ERCC3: variants seen among roughly 807,000 people sequenced by gnomAD.
ERCC3 encodes ERCC excision repair 3, TFIIH core complex helicase subunit, also known as general transcription and DNA repair factor IIH helicase/translocase subunit XPB.
In ERCC3, 66 loss-of-function variants were observed where a neutral mutation model predicts 94.2. The ratio of observed to expected loss-of-function variants is 0.70; its 90% confidence interval spans 0.57 to 0.86. The LOEUF (loss-of-function observed/expected upper bound fraction) is 0.86. Among genes scored for constraint, ERCC3 ranks in the 40% least tolerant of loss-of-function variants. The probability of loss-of-function intolerance (pLI) is 0.00; values close to 1 mark genes in which losing one functional copy is unlikely to be tolerated. For synonymous variants in ERCC3, 349 were observed against 369.1 expected (o/e 0.95, Z 0.63); for missense variants, 829 against 987.1 (o/e 0.84, Z 2.15).
chr2:127,279,179 A>G lies in ERCC3; in HGVS notation c.1724T>C (p.Leu575Pro). The G allele has an allele frequency of 1.1e-5, 18 of 1,608,036 alleles. No homozygotes were observed. Among genetic ancestry groups the G allele is most frequent in the Non-Finnish European group, 1.4e-5 (17 of 1,174,518 alleles). Residue 575 changes from leucine (L) to proline (P), a missense_variant, in exon 10 of 15, where the codon CTG becomes CCG. Transcript: ENST00000285398. This position sits in a 1 kb window ranked among gnomAD's most constrained non-coding sequence, Gnocchi z 4.7. ...CCAAGTTTTCAATTCTTACTTGTTC[A>G]GTCGAATGGCATATTCCTTTAGGGC... ...VFALKEYAIR[L>P]NKPYIYGPTS...
rs536753432 is a variant in ERCC3, at chr2:127,279,712, A to G, written c.1528-337T>C. 7.9e-5 allele frequency among the ~76,000 whole-genome samples: 12 copies of G among 152,170 alleles called. No homozygotes were observed. The highest frequency in any genetic ancestry group is 2.4e-4 in the African/African-American group (10 of 41,524). The stretch of plus-strand genomic sequence containing the variant: ...GAGGCGGAGGTTGCAGTGAGCCAAG[A>G]TCACGCCACTGCACTCCAGCCTGGG... On this transcript the variant is annotated intron_variant, in intron 9 of 14. Coordinates refer to ENST00000285398, the MANE Select transcript of ERCC3 (RefSeq NM_000122.2). The surrounding 1 kb of genome is among the most constrained non-coding windows in gnomAD (Gnocchi z 4.7).
chr2:127,258,630 C>T lies in ERCC3; in HGVS notation c.2217+666G>A, dbSNP rs962297862. On this transcript the variant is annotated intron_variant, in intron 14 of 14. Transcript: ENST00000285398. This position sits in a 1 kb window ranked among gnomAD's most constrained non-coding sequence, Gnocchi z 4.1. ...CTTGGTCCAGCAGTTGCTCACCTTC[C>T]GGCTCTAATGGCAACTGAATTTCAA... Among the ~76,000 whole-genome samples the T allele has an allele frequency of 7.9e-5, 12 of 152,126 alleles. No homozygotes were observed. Among genetic ancestry groups the T allele is most frequent in the African/African-American group, 2.2e-4 (9 of 41,434 alleles).
Position 127,257,791 on chromosome 2 carries a change from C to T in ERCC3, c.2218-64G>A, listed in dbSNP as rs4662718. On this transcript the variant is annotated intron_variant, in intron 14 of 14. Coordinates refer to ENST00000285398, the MANE Select transcript of ERCC3 (RefSeq NM_000122.2). This position sits in a 1 kb window ranked among gnomAD's most constrained non-coding sequence, Gnocchi z 5.4. ...AAGAAAAGATACTCCTTTTATAATA[C>T]TTATAATCACAGCAAATTTTATAAG... 1,147,827 of 1,575,836 alleles carry T rather than the reference C, an allele frequency of 0.73. 420,776 individuals are homozygous for T. Among genetic ancestry groups the T allele is most frequent in the East Asian group, 1 (44,481 of 44,558 alleles).
At chr2:127,289,578 G>C (rs1685195549) in intron 5 of ERCC3, 77 bp from the exon 6 acceptor site, 2 of 1,602,452 alleles carry the variant, frequency 1.2e-6, no homozygotes, top group East Asian at 2.2e-5. Flanking sequence ...AAGTTGTAAA[G>C]GGTAGAACCA....
At position 127,271,440 on chromosome 2, in the gene ERCC3, G is replaced by A. The variant is rs139049289; in HGVS notation, c.1841C>T (p.Ser614Leu). Residue 614 changes from serine to leucine, a missense_variant, in exon 12 of 15, where the codon TCG becomes TTG. By Grantham distance (145) the Ser-to-Leu change is moderately radical. Transcript: ENST00000285398. This position sits in a 1 kb window ranked among gnomAD's most constrained non-coding sequence, Gnocchi z 5.0. ...GACATTTGCTTCCGGCAGATCAAAC[G>A]AAGTGTCACCTACCTACAGAAACAA... Reference protein sequence around the residue: ...TIFISKVGDTSFDLPEANVLI... With the variant: ...TIFISKVGDTLFDLPEANVLI... 9 of 1,613,244 alleles carry A rather than the reference G, an allele frequency of 5.6e-6. No homozygotes were observed. The highest frequency in any genetic ancestry group is 2.7e-5 in the African/African-American group (2 of 74,808).
At chr2:127,281,703 GTAAA>G (rs1380477190) in intron 8 of ERCC3, among the ~76,000 whole-genome samples, 1 of 152,028 alleles carries the variant, frequency 6.6e-6, no homozygotes, top group Non-Finnish European at 1.5e-5. Flanking sequence ...CTAACTCTAA[GTAAA>G]TGTTTAGTTT....
chr2:127,288,603 A>C, intron 7 of ERCC3, 57 bp downstream of exon 7: 1 of 1,438,036 alleles, frequency 7.0e-7, no homozygotes, highest in Non-Finnish European at 9.8e-7. Context: ...AGCGGGAGGC[A>C]GCTGGCAGAT....
rs925912195 is a variant in ERCC3, at chr2:127,274,969, C to T, written c.1731-2008G>A. ...TTGGGTGGCAGTAGCTCCATGTGAC[C>T]GAAGTACAAAAGGAGTTCAGAGGTA... On this transcript the variant is annotated intron_variant, in intron 10 of 14. Transcript: ENST00000285398. The surrounding 1 kb of genome is among the most constrained non-coding windows in gnomAD (Gnocchi z 4.0). Among the ~76,000 whole-genome samples the T allele has an allele frequency of 1.3e-5, 2 of 152,160 alleles. No homozygotes were observed. The highest frequency in any genetic ancestry group is 6.5e-5 in the Admixed American group (1 of 15,272).
chr2:127,273,513 G>A (rs1573942004), intron 10 of ERCC3, among the ~76,000 whole-genome samples: 1 of 151,918 alleles, frequency 6.6e-6, no homozygotes, highest in Admixed American at 6.6e-5. Context: ...ACTTTGGGAT[G>A]CCGAGGCGGG....
chr2:127,282,791 T>G lies in ERCC3; in HGVS notation c.1343-2160A>C, dbSNP rs561837811. On this transcript the variant is annotated intron_variant, in intron 8 of 14. Transcript: ENST00000285398. ...CCAAAGACTAACTCATCCAGTGAACTAGACGAGAGACAGACAAACTCACAG... is the reference window on the plus strand; with the variant it reads ...CCAAAGACTAACTCATCCAGTGAACGAGACGAGAGACAGACAAACTCACAG... 7.9e-5 allele frequency among the ~76,000 whole-genome samples: 12 copies of G among 152,208 alleles called. No individual in the cohort carries two copies. In the South Asian group the frequency reaches 8.3e-4, roughly 11 times the overall value.
In ERCC3 at chr2:127,284,083, A is replaced by G. The variant is rs1684996190; in HGVS notation, c.1342+2620T>C. 1 of 152,156 alleles carries G rather than the reference A, an allele frequency of 6.6e-6. No individual in the cohort carries two copies. Among genetic ancestry groups the G allele is most frequent in the Admixed American group, 6.5e-5 (1 of 15,274 alleles). The allele number at this position is 152,156 out of a possible 1,614,324, so 9.4% of individuals were successfully genotyped here. Reference sequence around the variant, plus strand: ...TAGTGTCATTCTTGATTTCTCTCTGATTCCACACCTGACCTGTCAATTAAA... The same window carrying G: ...TAGTGTCATTCTTGATTTCTCTCTGGTTCCACACCTGACCTGTCAATTAAA... On this transcript the variant is annotated intron_variant, in intron 8 of 14. Transcript: ENST00000285398. The surrounding 1 kb of genome is among the most constrained non-coding windows in gnomAD (Gnocchi z 4.1).
chr2:127,279,501 C>T lies in ERCC3; in HGVS notation c.1528-126G>A, dbSNP rs1684841243. 2.6e-6 allele frequency: 2 copies of T among 763,666 alleles called. No individual in the cohort carries two copies. The highest frequency in any genetic ancestry group is 2.0e-5 in the Admixed American group (1 of 50,086). The allele number at this position is 763,666 out of a possible 1,614,324, so 47.3% of individuals were successfully genotyped here. Reference sequence around the variant, plus strand: ...AACCAGTCAGGTGCAGTGGCTCATGCCTGTAATGCCAGCAGTTTGGGAGGC... The same window carrying T: ...AACCAGTCAGGTGCAGTGGCTCATGTCTGTAATGCCAGCAGTTTGGGAGGC... On this transcript the variant is annotated intron_variant, in intron 9 of 14. Transcript: ENST00000285398. This position sits in a 1 kb window ranked among gnomAD's most constrained non-coding sequence, Gnocchi z 4.7.
Position 127,259,235 on chromosome 2 carries a change from G to A in ERCC3, c.2217+61C>T. On this transcript the variant is annotated intron_variant, in intron 14 of 14. Transcript: ENST00000285398. This position sits in a 1 kb window ranked among gnomAD's most constrained non-coding sequence, Gnocchi z 4.9. ...GGCAGGACTACATGTCTGTGTCTGT[G>A]TCTACAAACGCTGCCCTGTGAGAGC... 1 of 1,593,540 alleles carries A rather than the reference G, an allele frequency of 6.3e-7. No individual in the cohort carries two copies. The highest frequency in any genetic ancestry group is 8.6e-7 in the Non-Finnish European group (1 of 1,162,096).
Position 127,291,026 on chromosome 2 carries a change from G to A in ERCC3, c.472-753C>T, listed in dbSNP as rs1023061978. On this transcript the variant is annotated intron_variant, in intron 3 of 14. Transcript: ENST00000285398. This position sits in a 1 kb window ranked among gnomAD's most constrained non-coding sequence, Gnocchi z 4.9. ...GAGCCTGGGAGGTAGAGGTTGCAGT[G>A]AGCCAAGATCATGCCACTGCTATCC... 1 of 152,350 alleles carries A rather than the reference G, an allele frequency of 6.6e-6. No homozygotes were observed. Among genetic ancestry groups the A allele is most frequent in the Non-Finnish European group, 1.5e-5 (1 of 68,258 alleles). 9.4% of individuals were successfully genotyped at this position (152,350 alleles called of 1,614,324 possible). A position where few individuals can be genotyped will look rare whatever the true frequency, so the allele number is the denominator to read the frequency against.
intron 8 of ERCC3, among the ~76,000 whole-genome samples, chr2:127,285,243 A>G (rs950898979): frequency 2.0e-5 from 3 of 152,208 alleles, no homozygotes; most frequent in African/African-American, 4.8e-5. Context: ...TTGACTGCAA[A>G]TGAGTACAAA....
In ERCC3 at chr2:127,290,266, G is replaced by C; in HGVS notation, c.479C>G (p.Thr160Ser). Residue 160 changes from threonine (T) to serine (S), a missense_variant, in exon 4 of 15, where the codon ACT becomes AGT. By Grantham distance (58) the Thr-to-Ser change is moderately conservative. Coordinates refer to ENST00000285398, the MANE Select transcript of ERCC3 (RefSeq NM_000122.2). ...DGIMQFIKLC[T>S]VSYGKVKLVL... ...CAGCTTGACTTTTCCATAGCTGACA[G>C]TACACAACTGCAAATACAGATAACA... 1.9e-6 allele frequency: 3 copies of C among 1,613,330 alleles called. No homozygotes were observed. The highest frequency in any genetic ancestry group is 2.5e-6 in the Non-Finnish European group (3 of 1,179,260).
At chr2:127,292,543 T>C (rs1685306590) in intron 3 of ERCC3, 67 bp downstream of exon 3, 5 of 1,033,860 alleles carry the variant, frequency 4.8e-6, no homozygotes, top group Non-Finnish European at 7.7e-6. Flanking sequence ...GCTGACAACA[T>C]GGAGCACCTA....
At chr2:127,262,616 G>A (rs139776365) in intron 12 of ERCC3, 1 of 152,378 alleles carries the variant, frequency 6.6e-6, no homozygotes, top group African/African-American at 2.4e-5. Context: ...AAGTAGATTA[G>A]GGGCTGCCTA....
chr2:127,259,172 T>C lies in ERCC3; in HGVS notation c.2217+124A>G. 1 of 1,116,314 alleles carries C rather than the reference T, an allele frequency of 9.0e-7. No homozygotes were observed. Among genetic ancestry groups the C allele is most frequent in the Non-Finnish European group, 1.3e-6 (1 of 750,002 alleles). 69.2% of individuals were successfully genotyped at this position (1,116,314 alleles called of 1,614,324 possible). On this transcript the variant is annotated intron_variant, in intron 14 of 14. Transcript: ENST00000285398. This position sits in a 1 kb window ranked among gnomAD's most constrained non-coding sequence, Gnocchi z 4.9. ...TTGTTTCTGTTCATCTCTTCCGTGT[T>C]TTCCAACATTTCCAAAAAAATCCCA...
Sources: gnomAD v4.1 joint callset for allele counts (sites outside exome capture counted in the v4.1 genomes callset) on GRCh38, gnomAD v4.1.1 for gene constraint, Gnocchi (gnomAD v3.1) non-coding constraint, MANE v1.5 for transcripts, NCBI Gene and HGNC (gene_info 2026-07-23, HGNC 2026-07-21) for gene names.